The following BAD variants were observed in gnomAD, a reference collection of about 807,000 sequenced individuals.
The protein encoded by BAD is bcl2-associated agonist of cell death.
Under a neutral mutation model 17.8 loss-of-function variants are expected in BAD, and 18 were observed. The ratio of observed to expected loss-of-function variants is 1.01; its 90% CI spans 0.70 to 1.50. The LOEUF (loss-of-function observed/expected upper bound fraction) is 1.50. BAD is among the 40% of genes most tolerant of loss of function. The pLI, the probability that BAD is intolerant of heterozygous loss-of-function variation, is 0.00. For missense variants in BAD, 294 were observed against 239.3 expected (o/e 1.23, Z -1.51); for synonymous variants, 112 against 91.5 (o/e 1.22, Z -1.28).
chr11:64,276,949 T>G, intron 2 of BAD: 1 of 756,574 alleles, frequency 1.3e-6, no homozygotes, highest in Non-Finnish European at 2.5e-6. Context: ...AGTCAGCGGC[T>G]GGGGCGGACA....
chr11:64,271,762 G>A lies in BAD; in HGVS notation c.229C>T (p.Pro77Ser), dbSNP rs1443460314. 3.6e-6 allele frequency: 5 copies of A among 1,407,776 alleles called. No homozygotes were observed. Among genetic ancestry groups the A allele is most frequent in the Non-Finnish European group, 4.6e-6 (5 of 1,079,048 alleles). The allele number at this position is 1,407,776 out of a possible 1,614,324, so 87.2% of individuals were successfully genotyped here. A position where few individuals can be genotyped will look rare whatever the true frequency, so the allele number is the denominator to read the frequency against. Residue 77 changes from proline (P) to serine (S), a missense_variant, in exon 3 of 4, where the codon CCC becomes TCC. Coordinates refer to ENST00000309032, the MANE Select transcript of BAD (RefSeq NM_032989.3). ...CCTTCGTCGTCCTCCGTCCCCGCGG[G>A]GTAGGAGCTGTGGCGACTCCGGATC... ...VEIRSRHSSY[P>S]AGTEDDEGMG... is the part of the protein sequence containing the mutation.
chr11:64,276,854 G>A (rs986971929), intron 2 of BAD: 3 of 737,346 alleles, frequency 4.1e-6, no homozygotes, highest in East Asian at 5.1e-5. Flanking sequence ...GGGTGTGGAA[G>A]TGGAGGGTAG....
intron 2 of BAD, among the ~76,000 whole-genome samples, chr11:64,273,756 C>T (rs2032820905): frequency 6.8e-6 from 1 of 147,284 alleles, no homozygotes; most frequent in Non-Finnish European, 1.5e-5. Flanking sequence ...GTGGCAGGCA[C>T]CTGTAATCCC....
intron 3 of BAD, 25 bp from the exon 4 acceptor site, chr11:64,270,362 A>C (rs1591124391): frequency 1.3e-6 from 2 of 1,526,898 alleles, no homozygotes; most frequent in South Asian, 1.3e-5. Flanking sequence ...AAAGGGTTAC[A>C]TGAGTTAGAT....
At chr11:64,276,524 A>C (rs1342369517) in intron 2 of BAD, 1 of 162,648 alleles carries the variant, frequency 6.1e-6, no homozygotes, top group African/African-American at 2.4e-5. Context: ...ACGGGGTTTC[A>C]CCATGTTGGT....
Position 64,271,821 on chromosome 11 carries a change from G to GT in BAD, c.188-19dup. The GT allele has an allele frequency of 7.3e-7, 1 of 1,375,594 alleles. No homozygotes were observed. The highest frequency in any genetic ancestry group is 1.5e-5 in the African/African-American group (1 of 67,028). The allele number at this position is 1,375,594 out of a possible 1,614,324, so 85.2% of individuals were successfully genotyped here. A position where few individuals can be genotyped will look rare whatever the true frequency, so the allele number is the denominator to read the frequency against. The stretch of plus-strand genomic sequence containing the variant: ...CCCAGCGCCTGCAGAGGGTCAGTGG[G>GT]TAGGGGGGCGACGTTAATCTCAGCT... On this transcript the variant is annotated intron_variant, in intron 2 of 3. Transcript: ENST00000309032.
intron 2 of BAD, among the ~76,000 whole-genome samples, chr11:64,273,250 G>A (rs2032775044): frequency 6.6e-6 from 1 of 152,176 alleles, no homozygotes; most frequent in Non-Finnish European, 1.5e-5. Flanking sequence ...GTTCACGCCT[G>A]TAGTCCCAGC....
At position 64,271,762 on chromosome 11, in the gene BAD, G is replaced by T. The variant is rs1443460314; in HGVS notation, c.229C>A (p.Pro77Thr). ...VEIRSRHSSY[P>T]AGTEDDEGMG... ...CCTTCGTCGTCCTCCGTCCCCGCGGGGTAGGAGCTGTGGCGACTCCGGATC... is the reference window on the plus strand; with the variant it reads ...CCTTCGTCGTCCTCCGTCCCCGCGGTGTAGGAGCTGTGGCGACTCCGGATC... The change falls in exon 3 of 4, where the codon CCC (proline) becomes ACC (threonine). Residue 77 changes from proline to threonine, a missense_variant. Pro to Thr is a conservative substitution (Grantham distance 38). Transcript: ENST00000309032. 1.4e-6 allele frequency: 2 copies of T among 1,407,770 alleles called. No homozygotes were observed. The highest frequency in any genetic ancestry group is 3.3e-5 in the South Asian group (2 of 60,632). 87.2% of individuals were successfully genotyped at this position (1,407,770 alleles called of 1,614,324 possible).
At chr11:64,276,810 C>G in intron 2 of BAD, 2 of 667,276 alleles carry the variant, frequency 3.0e-6, no homozygotes, top group South Asian at 3.3e-5. Context: ...GGCCTGCCCA[C>G]TCTTGCCATC....
At chr11:64,276,276 A>G (rs1020092082) in intron 2 of BAD, 4 of 147,392 alleles carry the variant, frequency 2.7e-5, no homozygotes, top group African/African-American at 7.5e-5. Context: ...ACATATATTT[A>G]TGTGTGTGTG....
At chr11:64,279,626 C>A (rs951096035) in intron 2 of BAD, among the ~76,000 whole-genome samples, 3 of 151,726 alleles carry the variant, frequency 2.0e-5, no homozygotes, top group Admixed American at 2.0e-4. Flanking sequence ...ATTAGCTGGG[C>A]ATGGTGCATG....
intron 2 of BAD, among the ~76,000 whole-genome samples, chr11:64,283,187 G>A (rs753767599): frequency 6.6e-5 from 10 of 152,324 alleles, no homozygotes; most frequent in Non-Finnish European, 1.3e-4. Flanking sequence ...CTGAAAATGG[G>A]GAGGAGGTCT....
At chr11:64,278,312 G>A (rs550499961) in intron 2 of BAD, among the ~76,000 whole-genome samples, 109 of 151,174 alleles carry the variant, frequency 7.2e-4, no homozygotes, top group African/African-American at 2.6e-3. Flanking sequence ...GCTGCGAGGC[G>A]AGATTGCACC....
intron 3 of BAD, chr11:64,270,549 GC>G: frequency 1.4e-6 from 1 of 737,762 alleles, no homozygotes; most frequent in East Asian, 2.7e-5. Context: ...GGAACTCCGT[GC>G]CGGAGACGGG....
chr11:64,282,661 C>T (rs1453552274), intron 2 of BAD, among the ~76,000 whole-genome samples: 3 of 152,058 alleles, frequency 2.0e-5, no homozygotes, highest in East Asian at 3.9e-4. Flanking sequence ...GGGTGGATTA[C>T]GAGGTCAGGA....
At chr11:64,276,327 T>TAC (rs1346413195) in intron 2 of BAD, 1 of 152,012 alleles carries the variant, frequency 6.6e-6, no homozygotes, top group Non-Finnish European at 1.5e-5. Flanking sequence ...TATATATATA[T>TAC]ATGTATTTTT....
rs1415885621 is a variant in BAD at position 64,282,963 on chromosome 11, AGG to A, written c.187+1217_187+1218del. On this transcript the variant is annotated intron_variant, in intron 2 of 3. Coordinates refer to ENST00000309032, the MANE Select transcript of BAD (RefSeq NM_032989.3). ...ACACCTGTATTCCCAGTTACGTGGG[AGG>A]ATCACTTAAGCCCAGAAGTTCCGGG... Among the ~76,000 whole-genome samples the A allele has an allele frequency of 8.1e-3, 1,236 of 152,064 alleles. 19 individuals carry two copies. Among genetic ancestry groups the A allele is most frequent in the African/African-American group, 0.029 (1,190 of 41,480 alleles).
At chr11:64,283,648 T>TG (rs1335690540) in intron 2 of BAD, among the ~76,000 whole-genome samples, 1 of 152,222 alleles carries the variant, frequency 6.6e-6, no homozygotes, top group Non-Finnish European at 1.5e-5. Flanking sequence ...GCATGTAGCC[T>TG]GGGGCAGGGC....
At chr11:64,281,383 G>A (rs1467786842) in intron 2 of BAD, among the ~76,000 whole-genome samples, 1 of 152,208 alleles carries the variant, frequency 6.6e-6, no homozygotes, top group Non-Finnish European at 1.5e-5. Context: ...CCAGGGATCA[G>A]CTACTTCTCA....
Sources: gnomAD v4.1 joint callset for allele counts (sites outside exome capture counted in the v4.1 genomes callset) on GRCh38, gnomAD v4.1.1 for gene constraint, MANE v1.5 for transcripts, NCBI Gene and HGNC (gene_info 2026-07-23, HGNC 2026-07-21) for gene names.